The following PHLDB2 variants were observed in gnomAD, a reference collection of about 807,000 sequenced individuals.
The protein encoded by PHLDB2 is pleckstrin homology-like domain family B member 2.
Under a neutral mutation model 123.6 loss-of-function variants are expected in PHLDB2, and 71 were observed. The observed-to-expected ratio is 0.57, with a 90% CI of 0.47 to 0.70. The LOEUF is 0.70. PHLDB2 is among the 30% of genes least tolerant of loss of function. The pLI is 0.00. For synonymous variants in PHLDB2, 547 were observed against 541.6 expected (o/e 1.01, Z -0.14); for missense variants, 1,446 against 1,519.5 (o/e 0.95, Z 0.80).
rs1257533903 is a variant in PHLDB2 at position 111,962,311 on chromosome 3, A to G, written c.3076A>G (p.Ser1026Gly). 1.3e-6 allele frequency: 2 copies of G among 1,589,824 alleles called. No individual in the cohort carries two copies. The highest frequency in any genetic ancestry group is 1.7e-6 in the Non-Finnish European group (2 of 1,173,890). Residue 1026 changes from serine (S) to glycine (G), a missense_variant and splice_region_variant, in exon 13 of 18, where the codon AGT (serine) becomes GGT (glycine). Ser to Gly is a moderately conservative substitution (Grantham distance 56). Transcript: ENST00000431670. ...ISACSPDNIS[S>G]ASTSNIARIE... ...TGCTTGCTCACCAGACAACATCTCT[A>G]GGTAAGATTTATTTATGGGTAAGGT...
chr3:111,834,358 C>CTA (rs747376699), intron 1 of PHLDB2, among the ~76,000 whole-genome samples: 2 of 138,886 alleles, frequency 1.4e-5, no homozygotes, highest in Non-Finnish European at 3.1e-5. Flanking sequence ...TATCAGATGA[C>CTA]TATATATATA....
At position 111,921,374 on chromosome 3, in the gene PHLDB2, A is replaced by G. The variant is rs1213392106; in HGVS notation, c.2001+955A>G. 3.9e-5 allele frequency among the ~76,000 whole-genome samples: 6 copies of G among 152,328 alleles called. 1 individual carries two copies. In the East Asian group the frequency reaches 1.2e-3, roughly 29 times the overall value. ...TTAGTTTGAGTAAGTTCTAGTGGTA[A>G]TGTGTAGAAAGAATTTCTGCTGAAC... On this transcript the variant is annotated intron_variant, in intron 5 of 17. Coordinates refer to ENST00000431670, the MANE Select transcript of PHLDB2 (RefSeq NM_001134438.2).
intron 1 of PHLDB2, among the ~76,000 whole-genome samples, chr3:111,797,242 C>A (rs1328352516): frequency 1.3e-5 from 2 of 152,178 alleles, no homozygotes; most frequent in Non-Finnish European, 2.9e-5. Context: ...CTGTTTCCCC[C>A]ACTGACCACA....
At chr3:111,757,157 G>C (rs779837465) in intron 1 of PHLDB2, among the ~76,000 whole-genome samples, 9 of 152,142 alleles carry the variant, frequency 5.9e-5, no homozygotes, top group Non-Finnish European at 1.2e-4. Flanking sequence ...GAGTATCTTT[G>C]TGGAGTTCTC....
At chr3:111,885,552 C>G (rs767419226) in intron 2 of PHLDB2, 140 bp downstream of exon 2, 23 of 1,095,402 alleles carry the variant, frequency 2.1e-5, no homozygotes, top group Non-Finnish European at 3.1e-5. Context: ...TTTCTCTTCT[C>G]TCCTGCTATC....
intron 1 of PHLDB2, among the ~76,000 whole-genome samples, chr3:111,828,030 G>A (rs1197193208): frequency 1.3e-5 from 2 of 152,228 alleles, no homozygotes; most frequent in African/African-American, 2.4e-5. Context: ...AAATTAGGTA[G>A]ACTAACAGCT....
chr3:111,753,118 T>C (rs1439661970), intron 1 of PHLDB2, among the ~76,000 whole-genome samples: 2 of 151,984 alleles, frequency 1.3e-5, no homozygotes, highest in Non-Finnish European at 2.9e-5. Context: ...TATGTGTGCA[T>C]GTGTCTTTAT....
At chr3:111,952,495 G>T (rs577950474) in intron 10 of PHLDB2, 77 bp from the exon 11 acceptor site, 2 of 1,491,460 alleles carry the variant, frequency 1.3e-6, no homozygotes, top group Non-Finnish European at 1.8e-6. Flanking sequence ...TTTTGTAAGT[G>T]CATAATTCTT....
intron 1 of PHLDB2, among the ~76,000 whole-genome samples, chr3:111,785,828 G>A (rs2060658965): frequency 6.6e-6 from 1 of 150,816 alleles, no homozygotes; most frequent in Admixed American, 6.6e-5. Flanking sequence ...AACCAGAATG[G>A]TGGTGGTTCA....
At chr3:111,754,578 C>T (rs1395870081) in intron 1 of PHLDB2, among the ~76,000 whole-genome samples, 1 of 129,932 alleles carries the variant, frequency 7.7e-6, no homozygotes, top group Non-Finnish European at 1.6e-5. Context: ...TCTAGATATA[C>T]AATCATGTCA....
At chr3:111,938,704 G>A (rs1276819077) in intron 6 of PHLDB2, among the ~76,000 whole-genome samples, 1 of 152,064 alleles carries the variant, frequency 6.6e-6, no homozygotes, top group Non-Finnish European at 1.5e-5. Context: ...TGGTCTGTAC[G>A]TGTGCCAACT....
At position 111,844,908 on chromosome 3, in the gene PHLDB2, C is replaced by A. The variant is rs143041612; in HGVS notation, c.-48-913C>A. On this transcript the variant is annotated intron_variant, in intron 1 of 17. Transcript: ENST00000393923. ...TACTAGGTGTACAACAAATGGGAGG[C>A]CTTACTTACATGATAGTGGGACCAG... Among the ~76,000 whole-genome samples, 670 of 152,206 alleles carry A rather than the reference C, an allele frequency of 4.4e-3. 5 individuals are homozygous for A. The highest frequency in any genetic ancestry group is 0.016 in the African/African-American group (646 of 41,524).
rs556666138 is a variant in PHLDB2, at chr3:111,919,752, A to G, written c.1864-530A>G. Reference sequence around the variant, plus strand: ...TTACCCCCATGGCATGAGAAGGGGCACGTAATTCTGCCTAGGGAAGATCTG... The same window carrying G: ...TTACCCCCATGGCATGAGAAGGGGCGCGTAATTCTGCCTAGGGAAGATCTG... On this transcript the variant is annotated intron_variant, in intron 4 of 17. Transcript: ENST00000431670. Among the ~76,000 whole-genome samples, 22 of 152,360 alleles carry G rather than the reference A, an allele frequency of 1.4e-4. No homozygotes were observed. The South Asian group carries it at 3.5e-3, about 24-fold the overall frequency.
intron 14 of PHLDB2, among the ~76,000 whole-genome samples, chr3:111,966,953 G>A (rs1276015316): frequency 6.6e-6 from 1 of 150,452 alleles, no homozygotes; most frequent in Non-Finnish European, 1.5e-5. Context: ...AACACTTTGT[G>A]TTTTTTTGTG....
intron 1 of PHLDB2, among the ~76,000 whole-genome samples, chr3:111,840,126 C>T (rs1017848044): frequency 2.0e-5 from 3 of 151,626 alleles, no homozygotes; most frequent in Non-Finnish European, 4.4e-5. Context: ...GTGGTACATG[C>T]CTGTAGTCCT....
chr3:111,898,473 G>A (rs933430044), intron 2 of PHLDB2, among the ~76,000 whole-genome samples: 21 of 151,980 alleles, frequency 1.4e-4, no homozygotes, highest in African/African-American at 3.9e-4. Context: ...GTGAGCCACC[G>A]CACCCAGCCA....
chr3:111,810,953 A>G (rs1435887290), intron 1 of PHLDB2, among the ~76,000 whole-genome samples: 1 of 152,220 alleles, frequency 6.6e-6, no homozygotes, highest in African/African-American at 2.4e-5. Flanking sequence ...CTGCAAGAGG[A>G]TACAGAAGAG....
chr3:111,932,246 A>G (rs1363740757), intron 5 of PHLDB2, 23 bp from the exon 6 acceptor site: 53 of 1,548,546 alleles, frequency 3.4e-5, no homozygotes, highest in Non-Finnish European at 4.5e-5. Context: ...TTTCTATTCT[A>G]TTTTCTGGTT....
chr3:111,862,503 A>G (rs2064882459), intron 1 of PHLDB2, among the ~76,000 whole-genome samples: 2 of 152,220 alleles, frequency 1.3e-5, no homozygotes, highest in Non-Finnish European at 2.9e-5. Context: ...CTACTGCCAT[A>G]TAGTGGGTAG....
Sources: allele counts gnomAD v4.1 joint callset (sites outside exome capture counted in the v4.1 genomes callset), GRCh38; gene constraint gnomAD v4.1.1; transcripts MANE v1.5; gene names NCBI Gene and HGNC (gene_info 2026-07-23, HGNC 2026-07-21).